The following ATP6V0A2 variants were observed in gnomAD, a reference collection of about 807,000 sequenced individuals.
ATP6V0A2 encodes ATPase H+ transporting V0 subunit a2, also known as V-type proton ATPase 116 kDa subunit a 2.
ATP6V0A2 carries 58 observed loss-of-function variants against 104.4 expected under a neutral mutation model. The ratio of observed to expected loss-of-function variants is 0.56; its 90% CI spans 0.45 to 0.69. The LOEUF (loss-of-function observed/expected upper bound fraction) is 0.69. ATP6V0A2 is among the 30% of genes least tolerant of loss of function. The pLI, the probability that ATP6V0A2 is intolerant of heterozygous loss-of-function variation, is 0.00. For synonymous variants in ATP6V0A2, 376 were observed against 397.9 expected (o/e 0.95, Z 0.65); for missense variants, 938 against 1,062.9 (o/e 0.88, Z 1.63).
intron 1 of ATP6V0A2, among the ~76,000 whole-genome samples, chr12:123,715,095 A>G (rs1409908785): frequency 1.3e-5 from 2 of 152,180 alleles, no homozygotes; most frequent in African/African-American, 4.8e-5. Flanking sequence ...AAAAGTTAAT[A>G]TATGTAAGCT....
intron 9 of ATP6V0A2, among the ~76,000 whole-genome samples, chr12:123,741,679 G>A (rs116280474): frequency 0.022 from 3,360 of 152,088 alleles, 103 homozygotes; most frequent in African/African-American, 0.055. Flanking sequence ...ACGGTGTCTG[G>A]TCTTGAACTC....
chr12:123,748,870 C>G, intron 15 of ATP6V0A2, 85 bp downstream of exon 15: 1 of 1,329,236 alleles, frequency 7.5e-7, no homozygotes, highest in Non-Finnish European at 1.1e-6. Context: ...TTGGGGTGAT[C>G]TCCACAGGAG....
intron 8 of ATP6V0A2, among the ~76,000 whole-genome samples, chr12:123,736,185 C>CTTTT (rs75644082): frequency 6.1e-5 from 5 of 81,894 alleles, no homozygotes; most frequent in Non-Finnish European, 6.9e-5. Flanking sequence ...GATTGTGATT[C>CTTTT]TTTTTTTTTT....
In ATP6V0A2 at chr12:123,712,644, A is replaced by C. The variant is rs772817042; in HGVS notation, c.79A>C (p.Ser27Arg). 6.2e-7 allele frequency: 1 copy of C among 1,609,420 alleles called. No individual in the cohort carries two copies. The change falls in exon 1 of 20, where the codon AGC becomes CGC. Residue 27 changes from serine (S) to arginine (R), a missense_variant. Ser to Arg is a moderately radical substitution (Grantham distance 110, BLOSUM62 -1). Transcript: ENST00000330342. ...LQSGTAYECL[S>R]ALGEKGLVQF... ...GTCGGGCACGGCCTACGAGTGCCTC[A>C]GCGCCCTGGGCGAGAAAGGCCTGGT...
chr12:123,728,036 C>T lies in ATP6V0A2; in HGVS notation c.648+127C>T, dbSNP rs999261173. 1.5e-5 allele frequency: 18 copies of T among 1,213,732 alleles called. No homozygotes were observed. The African/African-American group carries it at 2.7e-4, about 18-fold the overall frequency. 75.2% of individuals were successfully genotyped at this position (1,213,732 alleles called of 1,614,324 possible). On this transcript the variant is annotated intron_variant, in intron 6 of 19. Coordinates refer to ENST00000330342, the MANE Select transcript of ATP6V0A2 (RefSeq NM_012463.4). ...TTGTTAACCTGATGCCTTATCTCTTCAACCACGTGTAGTGTGTATAGTTCC... is the reference window on the plus strand; with the variant it reads ...TTGTTAACCTGATGCCTTATCTCTTTAACCACGTGTAGTGTGTATAGTTCC...
rs746406797 is a variant in ATP6V0A2, at chr12:123,743,926, G to C, written c.1180G>C (p.Val394Leu). 9 of 1,614,220 alleles carry C rather than the reference G, an allele frequency of 5.6e-6. 1 individual carries two copies. Among genetic ancestry groups the C allele is most frequent in the Middle Eastern group, 1.6e-4 (1 of 6,062 alleles). Residue 394 changes from valine (V) to leucine (L), a missense_variant, in exon 10 of 20, where the codon GTC becomes CTC. Physicochemically the swap from Val to Leu is conservative, Grantham distance 32. Transcript: ENST00000330342. ...TTATGGAGTCGGAAGCTACAGAGAA[G>C]TCAATCCAGGTTGGAAGTCTGATTT... ...DAYGVGSYRE[V>L]NPALFTIITF...
At chr12:123,716,193 A>C (rs1289225749) in intron 1 of ATP6V0A2, among the ~76,000 whole-genome samples, 2 of 151,520 alleles carry the variant, frequency 1.3e-5, no homozygotes, top group Non-Finnish European at 2.9e-5. Flanking sequence ...CAGCCTCCTG[A>C]GCAGCTGAGA....
At chr12:123,735,428 C>T (rs767864980) in intron 7 of ATP6V0A2, 103 bp from the exon 8 acceptor site, 27 of 1,077,704 alleles carry the variant, frequency 2.5e-5, no homozygotes, top group Admixed American at 1.4e-4. Flanking sequence ...GTCTCCCAAA[C>T]GGCTGCTTTC....
intron 1 of ATP6V0A2, among the ~76,000 whole-genome samples, chr12:123,718,237 C>A (rs1956363308): frequency 6.6e-6 from 1 of 151,956 alleles, no homozygotes; most frequent in Non-Finnish European, 1.5e-5. Flanking sequence ...ATTACAGGTA[C>A]TTGCCATCAT....
intron 2 of ATP6V0A2, 42 bp from the exon 3 acceptor site, chr12:123,722,309 A>G (rs376503153): frequency 3.5e-6 from 4 of 1,151,878 alleles, no homozygotes; most frequent in Non-Finnish European, 5.3e-6. Flanking sequence ...AATGTATTAT[A>G]GTACATTTTA....
intron 6 of ATP6V0A2, among the ~76,000 whole-genome samples, chr12:123,730,054 T>TTC (rs1555296944): frequency 0.061 from 4,151 of 68,282 alleles, 728 homozygotes; most frequent in African/African-American, 0.19. Context: ...CTTTTTTTTT[T>TTC]TTTTTTTTTT....
rs752815201 is a variant in ATP6V0A2 at position 123,743,896 on chromosome 12, G to T, written c.1150G>T (p.Asp384Tyr). ...KFTEGFQNIV[D>Y]AYGVGSYREV... Reference sequence around the variant, plus strand: ...CACCGAGGGATTTCAGAACATCGTGGATGCTTATGGAGTCGGAAGCTACAG... The same window carrying T: ...CACCGAGGGATTTCAGAACATCGTGTATGCTTATGGAGTCGGAAGCTACAG... Residue 384 changes from aspartate (D) to tyrosine (Y), a missense_variant, in exon 10 of 20, where the codon GAT becomes TAT. Coordinates refer to ENST00000330342, the MANE Select transcript of ATP6V0A2 (RefSeq NM_012463.4). The T allele has an allele frequency of 6.2e-7, 1 of 1,614,074 alleles. No individual in the cohort carries two copies.
chr12:123,754,326 T>C (rs1956743074), intron 17 of ATP6V0A2, 94 bp from the exon 18 acceptor site: 3 of 993,546 alleles, frequency 3.0e-6, no homozygotes, highest in Non-Finnish European at 4.9e-6. Flanking sequence ...CCGGCAGCTC[T>C]TTCATTGTAA....
In ATP6V0A2 at chr12:123,756,806, C is replaced by T; in HGVS notation, c.2294-9C>T. 1.9e-6 allele frequency: 3 copies of T among 1,613,572 alleles called. No individual in the cohort carries two copies. The highest frequency in any genetic ancestry group is 2.5e-6 in the Non-Finnish European group (3 of 1,180,018). ...GAGCATGACCTGTGCAGGCTGCACT[C>T]CTTTGCAGAGTTGTCTGATGTCCTG... On this transcript the variant is annotated splice_polypyrimidine_tract_variant and intron_variant, in intron 18 of 19. Coordinates refer to ENST00000330342, the MANE Select transcript of ATP6V0A2 (RefSeq NM_012463.4).
rs115569365 is a variant in ATP6V0A2, at chr12:123,743,771, T to C, written c.1039-14T>C. On this transcript the variant is annotated splice_polypyrimidine_tract_variant and intron_variant, in intron 9 of 19. Transcript: ENST00000330342. Reference sequence around the variant, plus strand: ...TGGATAGTAATTTTTTATCTTTCCTTGTTTATGTGGAAGAGAGAGAGTGGT... The same window carrying C: ...TGGATAGTAATTTTTTATCTTTCCTCGTTTATGTGGAAGAGAGAGAGTGGT... 2.4e-3 allele frequency: 3,802 copies of C among 1,613,862 alleles called. 66 individuals carry two copies. In the African/African-American group the frequency reaches 0.042, roughly 18 times the overall value.
At chr12:123,742,808 C>T (rs1956622154) in intron 9 of ATP6V0A2, among the ~76,000 whole-genome samples, 1 of 151,772 alleles carries the variant, frequency 6.6e-6, no homozygotes, top group South Asian at 2.1e-4. Context: ...TGCACTCCAG[C>T]CTGGGTGACA....
intron 1 of ATP6V0A2, among the ~76,000 whole-genome samples, chr12:123,713,604 GAC>G (rs952673909): frequency 2.0e-5 from 3 of 152,022 alleles, no homozygotes; most frequent in African/African-American, 7.2e-5. Context: ...GAGCAAGGCA[GAC>G]ACAGTCCCTG....
chr12:123,754,945 C>G (rs947876061), intron 18 of ATP6V0A2, among the ~76,000 whole-genome samples: 3 of 152,172 alleles, frequency 2.0e-5, no homozygotes, highest in African/African-American at 7.2e-5. Flanking sequence ...TCAAGCAAGT[C>G]CTGCCACAGC....
At chr12:123,739,147 A>G (rs1324198913) in intron 9 of ATP6V0A2, 1 of 152,236 alleles carries the variant, frequency 6.6e-6, no homozygotes, top group African/African-American at 2.4e-5. Context: ...CTGCGTGCAC[A>G]TGCACTGGGG....
Sources: gnomAD v4.1 joint callset for allele counts (sites outside exome capture counted in the v4.1 genomes callset) on GRCh38, gnomAD v4.1.1 for gene constraint, MANE v1.5 for transcripts, NCBI Gene and HGNC (gene_info 2026-07-23, HGNC 2026-07-21) for gene names.